Variants in CAPN7 observed in about 807,000 individuals in gnomAD.
The protein encoded by CAPN7 is calpain 7.
Under a neutral mutation model 115.2 loss-of-function variants are expected in CAPN7, and 72 were observed. The observed-to-expected ratio is 0.63, with a 90% confidence interval of 0.52 to 0.76. CAPN7 has a LOEUF of 0.76. Ranked by LOEUF, CAPN7 falls within the 30% of genes least tolerant of loss-of-function variation. The pLI, the probability that CAPN7 is intolerant of heterozygous loss-of-function variation, is 0.00. For synonymous variants in CAPN7, 344 were observed against 322.3 expected, an observed-to-expected ratio of 1.07 and a Z score of -0.72; for missense variants, 905 against 971.5, an observed-to-expected ratio of 0.93 and a Z score of 0.91.
chr3:15,241,377 A>G, intron 14 of CAPN7, 76 bp from the exon 15 acceptor site: 1 of 1,450,636 alleles, frequency 6.9e-7, no homozygotes, highest in Non-Finnish European at 9.4e-7. Flanking sequence ...AGCTTAATTC[A>G]CTTTTTGAAA....
chr3:15,241,668 AC>A, intron 15 of CAPN7, 80 bp downstream of exon 15: 1 of 1,219,288 alleles, frequency 8.2e-7, no homozygotes, highest in East Asian at 2.4e-5. Context: ...ATACGTAAAC[AC>A]CAGCCTGTTT....
At chr3:15,234,556 A>C (rs1694878703) in intron 11 of CAPN7, among the ~76,000 whole-genome samples, 1 of 152,212 alleles carries the variant, frequency 6.6e-6, no homozygotes, top group African/African-American at 2.4e-5. Flanking sequence ...TTTACTAATT[A>C]GTTACCAAGT....
rs1695731808 is a variant in CAPN7 at position 15,247,435 on chromosome 3, C to A, written c.2182C>A (p.Leu728Met). ...QFHIEKTGPL[L>M]IELRGPRQYS... The stretch of plus-strand genomic sequence containing the variant: ...CCATATAGAAAAGACTGGGCCGTTA[C>A]TGATTGAGCTACGAGGACCAAGGTT... Residue 728 changes from leucine to methionine, a missense_variant, in exon 19 of 21, where the codon CTG becomes ATG. Leu to Met is a conservative substitution (Grantham distance 15). Transcript: ENST00000253693. 2 of 1,601,880 alleles carry A rather than the reference C, an allele frequency of 1.2e-6. 1 individual carries two copies. The highest frequency in any genetic ancestry group is 4.5e-5 in the East Asian group (2 of 44,728).
intron 8 of CAPN7, among the ~76,000 whole-genome samples, chr3:15,230,074 T>C (rs1049889456): frequency 6.6e-6 from 1 of 152,236 alleles, no homozygotes; most frequent in Non-Finnish European, 1.5e-5. Flanking sequence ...AAGTTGTATC[T>C]ACTTGCCTTA....
chr3:15,218,453 GTC>G lies in CAPN7; in HGVS notation c.370-16_370-15del, dbSNP rs1693771441. 1.3e-6 allele frequency: 2 copies of G among 1,572,032 alleles called. No homozygotes were observed. The highest frequency in any genetic ancestry group is 1.7e-6 in the Non-Finnish European group (2 of 1,148,450). On this transcript the variant is annotated intron_variant, in intron 3 of 20. Coordinates refer to ENST00000253693, the MANE Select transcript of CAPN7 (RefSeq NM_014296.3). Reference sequence around the variant, plus strand: ...AAAATAATTATGCTTTAAAATGTCTGTCTCTTTCTTTCTCTTAAGTCTTATGA... The same window carrying G: ...AAAATAATTATGCTTTAAAATGTCTGTCTTTCTTTCTCTTAAGTCTTATGA...
chr3:15,250,832 C>T, intron 19 of CAPN7, 99 bp from the exon 20 acceptor site: 2 of 813,708 alleles, frequency 2.5e-6, no homozygotes, highest in East Asian at 2.5e-5. Context: ...ACTTCAGAAA[C>T]ATAAACTTAG....
intron 1 of CAPN7, among the ~76,000 whole-genome samples, chr3:15,211,079 CTTAAAA>C (rs1248933124): frequency 5.9e-5 from 9 of 152,072 alleles, no homozygotes; most frequent in African/African-American, 1.2e-4. Context: ...TCCAGATTTT[CTTAAAA>C]TTAAAATAAG....
chr3:15,240,699 C>A, intron 13 of CAPN7, 55 bp from the exon 14 acceptor site: 2 of 1,553,338 alleles, frequency 1.3e-6, no homozygotes, highest in Non-Finnish European at 1.8e-6. Context: ...GTGTAACTGA[C>A]TTAAATCATT....
intron 12 of CAPN7, among the ~76,000 whole-genome samples, chr3:15,237,195 A>G (rs1020233713): frequency 2.6e-5 from 4 of 152,194 alleles, no homozygotes; most frequent in African/African-American, 9.7e-5. Context: ...GAAAACACAA[A>G]CACATTGTAG....
chr3:15,221,320 C>T (rs1012678423), intron 5 of CAPN7, among the ~76,000 whole-genome samples: 4 of 148,736 alleles, frequency 2.7e-5, no homozygotes, highest in Non-Finnish European at 5.9e-5. Flanking sequence ...GCTGGGACTA[C>T]AGGTGTGTGC....
Position 15,217,405 on chromosome 3 carries a change from T to C in CAPN7, c.212-20T>C. On this transcript the variant is annotated intron_variant, in intron 2 of 20. Transcript: ENST00000253693. ...GTATTTAGATAATACTCCTTCTGCG[T>C]ATTTTTTTTTCTATCCTAGTTCAGT... 1.9e-6 allele frequency: 3 copies of C among 1,574,122 alleles called. No individual in the cohort carries two copies. The highest frequency in any genetic ancestry group is 1.7e-4 in the Middle Eastern group (1 of 5,852).
At chr3:15,217,735 A>T (rs1412303030) in intron 3 of CAPN7, among the ~76,000 whole-genome samples, 153 bp downstream of exon 3, 1 of 152,256 alleles carries the variant, frequency 6.6e-6, no homozygotes, top group Non-Finnish European at 1.5e-5. Flanking sequence ...TAAGATGATG[A>T]GTAGAAAGCT....
intron 2 of CAPN7, among the ~76,000 whole-genome samples, chr3:15,214,841 A>C (rs2045154337): frequency 6.6e-6 from 1 of 152,254 alleles, no homozygotes; most frequent in Admixed American, 6.5e-5. Flanking sequence ...AATGGGTCTC[A>C]GTAGAAAGCA....
In CAPN7 at chr3:15,206,436, C is replaced by G; in HGVS notation, c.-60C>G. 1 of 1,327,254 alleles carries G rather than the reference C, an allele frequency of 7.5e-7. No individual in the cohort carries two copies. Among genetic ancestry groups the G allele is most frequent in the Non-Finnish European group, 1.0e-6 (1 of 960,952 alleles). The allele number at this position is 1,327,254 out of a possible 1,614,324, so 82.2% of individuals were successfully genotyped here. ...TCGCCGCCGCCGGGCCGCCGCAGTC[C>G]GCGAAGAGCCGTCCTGCGTCAGGGC... On this transcript the variant is annotated 5_prime_UTR_variant, in exon 1 of 21. Transcript: ENST00000253693.
Position 15,206,310 on chromosome 3 carries a change from G to T in CAPN7, c.-186G>T, listed in dbSNP as rs984907935. 9.5e-6 allele frequency: 5 copies of T among 527,998 alleles called. No individual in the cohort carries two copies. The Admixed American group carries it at 1.9e-4, about 20-fold the overall frequency. The allele number at this position is 527,998 out of a possible 1,614,324, so 32.7% of individuals were successfully genotyped here. A position where few individuals can be genotyped will look rare whatever the true frequency, so the allele number is the denominator to read the frequency against. ...CTACAAGCCGGGTCTGGGCTGAGGGGCGCGGCTTCGCGGTGGACCCCAGCC... is the reference window on the plus strand; with the variant it reads ...CTACAAGCCGGGTCTGGGCTGAGGGTCGCGGCTTCGCGGTGGACCCCAGCC... On this transcript the variant is annotated 5_prime_UTR_variant, in exon 1 of 21. Transcript: ENST00000253693.
At chr3:15,209,939 G>C (rs889899504) in intron 1 of CAPN7, among the ~76,000 whole-genome samples, 2 of 152,118 alleles carry the variant, frequency 1.3e-5, no homozygotes, top group Non-Finnish European at 2.9e-5. Flanking sequence ...TTTATTTCTT[G>C]TCAGTTTTGA....
chr3:15,222,310 A>G (rs1168923530), intron 5 of CAPN7, among the ~76,000 whole-genome samples: 1 of 152,202 alleles, frequency 6.6e-6, no homozygotes, highest in Non-Finnish European at 1.5e-5. Context: ...GAAACACAAT[A>G]ATGTGGAAAT....
chr3:15,210,815 ACTC>A (rs907251670), intron 1 of CAPN7: 2 of 1,289,212 alleles, frequency 1.6e-6, no homozygotes, highest in African/African-American at 3.0e-5. Flanking sequence ...CAGTGAAACA[ACTC>A]CTGCTCAAAC....
rs1316639614 is a variant in CAPN7 at position 15,233,035 on chromosome 3, GT to G, written c.1179+371del. Among the ~76,000 whole-genome samples, 3 of 152,290 alleles carry G rather than the reference GT, an allele frequency of 2.0e-5. No individual in the cohort carries two copies. In the East Asian group the frequency reaches 5.8e-4, roughly 29 times the overall value. ...AGAACTTAACCTATAAGATTGAGGT[GT>G]CTTCCAGTGACCTTTTGTTGCATGA... On this transcript the variant is annotated intron_variant, in intron 10 of 20. Transcript: ENST00000253693.
Sources: allele counts gnomAD v4.1 joint callset (sites outside exome capture counted in the v4.1 genomes callset), GRCh38; gene constraint gnomAD v4.1.1; transcripts MANE v1.5; gene names NCBI Gene and HGNC (gene_info 2026-07-23, HGNC 2026-07-21).